Variants in SAMD12 observed in about 807,000 individuals in gnomAD.
The protein encoded by SAMD12 is sterile alpha motif domain containing 12.
A neutral mutation model predicts 15.0 loss-of-function variants in SAMD12; 9 were observed. The observed-to-expected ratio is 0.60, with a 90% CI of 0.36 to 1.05. SAMD12 has a LOEUF of 1.05. Among genes scored for constraint, SAMD12 ranks in the 50% least tolerant of loss-of-function variants. The pLI, the probability that SAMD12 is intolerant of heterozygous loss-of-function variation, is 0.01. For synonymous variants in SAMD12, 86 were observed against 90.1 expected, an observed-to-expected ratio of 0.96 and a Z score of 0.25; for missense variants, 230 against 234.2, an observed-to-expected ratio of 0.98 and a Z score of 0.12.
chr8:118,156,098 T>C, the SAMD12 span, among the ~76,000 whole-genome samples: 1 of 152,332 alleles, frequency 6.6e-6, no homozygotes, highest in South Asian at 2.1e-4. Context: ...AGGGAAACTA[T>C]AAAATGGCAC....
At chr8:118,144,833 CT>C in the SAMD12 span, among the ~76,000 whole-genome samples, 1 of 152,186 alleles carries the variant, frequency 6.6e-6, no homozygotes, top group Admixed American at 6.5e-5. Flanking sequence ...AGTGATAAAG[CT>C]TTTATTTCAA....
intron 2 of SAMD12, among the ~76,000 whole-genome samples, chr8:118,487,579 G>T (rs1323018939): frequency 6.6e-6 from 1 of 152,198 alleles, no homozygotes; most frequent in Non-Finnish European, 1.5e-5. Context: ...TGAAAGGAAG[G>T]ACTGCAGTTT....
chr8:118,507,997 T>C (rs1824969171), intron 2 of SAMD12, among the ~76,000 whole-genome samples: 1 of 146,778 alleles, frequency 6.8e-6, no homozygotes, highest in East Asian at 2.0e-4. Flanking sequence ...TCTCCTTTTT[T>C]TTTTTTTTTT....
In SAMD12 at chr8:118,448,638, A is replaced by G. The variant is rs546865808; in HGVS notation, c.193-8677T>C. 1.1e-4 allele frequency among the ~76,000 whole-genome samples: 17 copies of G among 152,308 alleles called. No homozygotes were observed. In the South Asian group the frequency reaches 3.5e-3, roughly 32 times the overall value. ...CCTTTCCTCCGATTAGATTTCTCCT[A>G]TATTGAGCCAAAAATGCAGAGCCAG... On this transcript the variant is annotated intron_variant, in intron 2 of 3. Transcript: ENST00000314727.
chr8:118,595,205 GAAACA>G (rs1487375173), intron 1 of SAMD12, among the ~76,000 whole-genome samples: 1 of 152,134 alleles, frequency 6.6e-6, no homozygotes, highest in African/African-American at 2.4e-5. Flanking sequence ...AACAAGTGAA[GAAACA>G]AAACATCAAG....
intron 4 of SAMD12, among the ~76,000 whole-genome samples, chr8:118,352,692 T>C (rs1818014394): frequency 6.6e-6 from 1 of 152,158 alleles, no homozygotes; most frequent in South Asian, 2.1e-4. Flanking sequence ...CAATAGGAAA[T>C]CAGGCCACTC....
intron 4 of SAMD12, among the ~76,000 whole-genome samples, chr8:118,265,436 A>T (rs994616178): frequency 1.8e-4 from 27 of 152,150 alleles, no homozygotes; most frequent in African/African-American, 5.6e-4. Context: ...TAGAGAAGAC[A>T]TTCTTTATGT....
At chr8:118,475,175 G>T (rs1220982340) in intron 2 of SAMD12, among the ~76,000 whole-genome samples, 1 of 152,172 alleles carries the variant, frequency 6.6e-6, no homozygotes, top group Non-Finnish European at 1.5e-5. Context: ...GGAGGTGGAG[G>T]TTGCAGTGAG....
chr8:118,186,025 T>C (rs890897961), downstream of SAMD12, among the ~76,000 whole-genome samples: 1 of 152,218 alleles, frequency 6.6e-6, no homozygotes, highest in African/African-American at 2.4e-5. Flanking sequence ...TGTAAATTGG[T>C]ATTCTCTGGG....
chr8:118,422,823 C>G (rs143919402), intron 3 of SAMD12, among the ~76,000 whole-genome samples: 50 of 152,166 alleles, frequency 3.3e-4, no homozygotes, highest in African/African-American at 1.2e-3. Context: ...TGTCTTCAAA[C>G]TGAAATGCAA....
intron 3 of SAMD12, among the ~76,000 whole-genome samples, chr8:118,382,418 T>C (rs184565436): frequency 3.3e-4 from 50 of 152,350 alleles, no homozygotes; most frequent in Non-Finnish European, 6.6e-4. Context: ...CTTTGTTTGA[T>C]GCCTTCCTGT....
At chr8:118,202,621 A>T (rs1819745736) in intron 4 of SAMD12, among the ~76,000 whole-genome samples, 1 of 151,912 alleles carries the variant, frequency 6.6e-6, no homozygotes, top group Admixed American at 6.5e-5. Flanking sequence ...GTGTGTGGAG[A>T]AGAAGAAAAG....
chr8:118,252,127 T>TA (rs1259208025), intron 4 of SAMD12, among the ~76,000 whole-genome samples: 5 of 152,192 alleles, frequency 3.3e-5, no homozygotes, highest in Non-Finnish European at 7.4e-5. Flanking sequence ...TTTGTCCTTC[T>TA]AGAATCCTGT....
At chr8:118,439,989 A>G (rs377622699) in intron 2 of SAMD12, 28 bp from the exon 3 acceptor site, 42 of 1,612,270 alleles carry the variant, frequency 2.6e-5, no homozygotes, top group Non-Finnish European at 3.5e-5. Flanking sequence ...AGATCTGTCA[A>G]TGCTGGCCCC....
At chr8:118,199,932 A>G (rs767389632) in intron 4 of SAMD12, among the ~76,000 whole-genome samples, 1 of 152,200 alleles carries the variant, frequency 6.6e-6, no homozygotes, top group African/African-American at 2.4e-5. Context: ...TCTTATCTTG[A>G]ACTGCAGCTC....
intron 4 of SAMD12, among the ~76,000 whole-genome samples, chr8:118,262,345 T>C (rs975051554): frequency 9.9e-5 from 15 of 152,130 alleles, no homozygotes; most frequent in African/African-American, 3.6e-4. Flanking sequence ...CATTTTCAAA[T>C]ACAAAGTGAT....
At chr8:118,321,110 T>TGATATATATAACATATATATCATAG (rs1816230268) in intron 4 of SAMD12, among the ~76,000 whole-genome samples, 4 of 138,370 alleles carry the variant, frequency 2.9e-5, no homozygotes, top group African/African-American at 1.1e-4. Context: ...ATATAATATA[T>TGATATATATAACATATATATCATAG]ATGATATATA....
chr8:118,162,053 G>A, the SAMD12 span, among the ~76,000 whole-genome samples: 39,387 of 150,786 alleles, frequency 0.26, 5,228 homozygotes, highest in Admixed American at 0.31. Context: ...CCAGCTACTC[G>A]GGAGGCTGAG....
At chr8:118,520,647 G>C (rs2131090256) in intron 2 of SAMD12, among the ~76,000 whole-genome samples, 1 of 152,250 alleles carries the variant, frequency 6.6e-6, no homozygotes, top group East Asian at 1.9e-4. Context: ...CCCAGGAAAA[G>C]TAATCAGAAA....
Sources: gnomAD v4.1 joint callset for allele counts (sites outside exome capture counted in the v4.1 genomes callset) on GRCh38, gnomAD v4.1.1 for gene constraint, MANE v1.5 for transcripts, NCBI Gene and HGNC (gene_info 2026-07-23, HGNC 2026-07-21) for gene names.